Variants in PCDHA2 observed in about 807,000 individuals in gnomAD.
PCDHA2 encodes the protein protocadherin alpha 2, also known as protocadherin alpha-2.
In PCDHA2, 58 loss-of-function variants were observed where a neutral mutation model predicts 66.0. The ratio of observed to expected loss-of-function variants is 0.88; its 90% CI spans 0.71 to 1.09. The LOEUF is 1.09. Ranked by LOEUF, PCDHA2 falls within the 50% of genes least tolerant of loss-of-function variation. PCDHA2 has a pLI of 0.00. For synonymous variants in PCDHA2, 634 were observed against 554.0 expected, an observed-to-expected ratio of 1.14 and a Z score of -2.03; for missense variants, 1,267 against 1,242.3, an observed-to-expected ratio of 1.02 and a Z score of -0.30.
In PCDHA2 at chr5:140,817,799, C is replaced by A. The variant is rs569935488; in HGVS notation, c.2388+20447C>A. Among the ~76,000 whole-genome samples the A allele has an allele frequency of 2.0e-5, 3 of 152,040 alleles. No homozygotes were observed. The South Asian group carries it at 6.2e-4, about 32-fold the overall frequency. ...TAGTGTGGCCTGCTGGTAAAGAAAC[C>A]TTTACGTTTTTATATATCTGGAAAT... On this transcript the variant is annotated intron_variant, in intron 1 of 3. Transcript: ENST00000526136.
intron 1 of PCDHA2, chr5:140,849,169 C>A: frequency 1.8e-6 from 2 of 1,130,206 alleles, no homozygotes; most frequent in Non-Finnish European, 2.5e-6. Context: ...CTGACTGGCA[C>A]CGTTCAATTA....
intron 1 of PCDHA2, chr5:140,857,387 G>A (rs369919324): frequency 2.5e-6 from 4 of 1,598,586 alleles, no homozygotes; most frequent in Admixed American, 1.7e-5. Flanking sequence ...GGTGGCCGAC[G>A]TGAACGACAA....
intron 3 of PCDHA2, among the ~76,000 whole-genome samples, chr5:140,992,437 T>G (rs1554252912): frequency 6.6e-6 from 1 of 151,938 alleles, no homozygotes; most frequent in African/African-American, 2.4e-5. Context: ...GTTCCAAGAG[T>G]TGGGAGCAGG....
intron 1 of PCDHA2, among the ~76,000 whole-genome samples, chr5:140,941,409 C>T (rs1284702446): frequency 2.7e-5 from 4 of 149,924 alleles, no homozygotes; most frequent in Admixed American, 1.3e-4. Flanking sequence ...CTCCGCCTCC[C>T]GGGTTCAAGC....
intron 1 of PCDHA2, among the ~76,000 whole-genome samples, chr5:140,910,875 C>A (rs1224657424): frequency 4.6e-5 from 7 of 152,184 alleles, no homozygotes; most frequent in Non-Finnish European, 7.3e-5. Flanking sequence ...TTATCCCACA[C>A]CCTTAATATC....
chr5:140,835,506 T>A (rs1261915665), intron 1 of PCDHA2: 2 of 1,613,822 alleles, frequency 1.2e-6, no homozygotes, highest in Non-Finnish European at 1.7e-6. Flanking sequence ...GATTAGCGTG[T>A]TTGACCGAGA....
intron 1 of PCDHA2, among the ~76,000 whole-genome samples, chr5:140,978,488 C>A (rs1453613410): frequency 6.6e-6 from 1 of 152,224 alleles, no homozygotes; most frequent in African/African-American, 2.4e-5. Context: ...TCTGCAAAGC[C>A]AGCAGCAGAT....
At chr5:140,867,118 T>G (rs2049765139) in intron 1 of PCDHA2, 1 of 152,172 alleles carries the variant, frequency 6.6e-6, no homozygotes, top group Non-Finnish European at 1.5e-5. Context: ...CATATTGTTT[T>G]AATTCAAATA....
chr5:140,871,004 G>A, intron 1 of PCDHA2: 1 of 1,613,408 alleles, frequency 6.2e-7, no homozygotes, highest in Non-Finnish European at 8.5e-7. Context: ...AGCACAACGC[G>A]TGCCCTGGAC....
Position 140,876,962 on chromosome 5 carries a change from G to T in PCDHA2, c.2388+79610G>T, listed in dbSNP as rs375871457. 15 of 1,612,908 alleles carry T rather than the reference G, an allele frequency of 9.3e-6. No homozygotes were observed. The African/African-American group carries it at 1.6e-4, about 17-fold the overall frequency. ...CTGGTGTCCTACTCGCTGGTGGAGCGGCGGGTGGGCGAGCACGCACTGTCG... is the reference window on the plus strand; with the variant it reads ...CTGGTGTCCTACTCGCTGGTGGAGCTGCGGGTGGGCGAGCACGCACTGTCG... On this transcript the variant is annotated intron_variant, in intron 1 of 3. Coordinates refer to ENST00000526136, the MANE Select transcript of PCDHA2 (RefSeq NM_018905.3).
At chr5:140,977,246 C>T (rs939682133) in intron 1 of PCDHA2, among the ~76,000 whole-genome samples, 1 of 152,172 alleles carries the variant, frequency 6.6e-6, no homozygotes, top group Non-Finnish European at 1.5e-5. Flanking sequence ...AAATTGGCAA[C>T]ATTTCTCAGC....
In PCDHA2 at chr5:140,851,551, T is replaced by C; in HGVS notation, c.2388+54199T>C. Reference sequence around the variant, plus strand: ...GACAATGTAGATAATTCAAGAAATGTTGACTGAAATTTTGTCTACACTTAG... The same window carrying C: ...GACAATGTAGATAATTCAAGAAATGCTGACTGAAATTTTGTCTACACTTAG... On this transcript the variant is annotated intron_variant, in intron 1 of 3. Coordinates refer to ENST00000526136, the MANE Select transcript of PCDHA2 (RefSeq NM_018905.3). The C allele has an allele frequency of 5.5e-6, 5 of 908,010 alleles. No individual in the cohort carries two copies. In the South Asian group the frequency reaches 2.0e-4, roughly 36 times the overall value. The allele number at this position is 908,010 out of a possible 1,614,324, so 56.2% of individuals were successfully genotyped here. A position where few individuals can be genotyped will look rare whatever the true frequency, so the allele number is the denominator to read the frequency against.
intron 1 of PCDHA2, among the ~76,000 whole-genome samples, chr5:140,888,497 A>C (rs2061848830): frequency 6.6e-6 from 1 of 152,250 alleles, no homozygotes; most frequent in Non-Finnish European, 1.5e-5. Flanking sequence ...ACTCTGCTTT[A>C]AAGAGTCTTG....
At chr5:140,999,836 A>G (rs1554257003) in intron 3 of PCDHA2, among the ~76,000 whole-genome samples, 1 of 152,210 alleles carries the variant, frequency 6.6e-6, no homozygotes, top group African/African-American at 2.4e-5. Flanking sequence ...AAAATATGCC[A>G]AGTGTATTTA....
intron 1 of PCDHA2, among the ~76,000 whole-genome samples, chr5:140,846,665 C>T (rs1299063371): frequency 3.4e-5 from 5 of 149,130 alleles, no homozygotes; most frequent in East Asian, 3.9e-4. Context: ...TGAGCCACCG[C>T]GCCCAGCCTA....
intron 1 of PCDHA2, among the ~76,000 whole-genome samples, chr5:140,942,239 T>C (rs1554214876): frequency 6.6e-6 from 1 of 152,156 alleles, no homozygotes; most frequent in African/African-American, 2.4e-5. Context: ...AAATAAGATA[T>C]CCATATCATT....
At chr5:140,941,215 C>CTTTCTTTCTTTCTT (rs2092887387) in intron 1 of PCDHA2, among the ~76,000 whole-genome samples, 1 of 104,510 alleles carries the variant, frequency 9.6e-6, no homozygotes, top group African/African-American at 3.7e-5. Context: ...TTCTTTCTTC[C>CTTTCTTTCTTTCTT]TTTCTTTCTT....
intron 1 of PCDHA2, chr5:140,869,562 A>G (rs373044645): frequency 8.1e-6 from 13 of 1,614,050 alleles, no homozygotes; most frequent in South Asian, 2.2e-5. Context: ...CGCGTTTTCC[A>G]CTAGAGGGAG....
intron 1 of PCDHA2, chr5:140,928,429 T>A: frequency 6.2e-7 from 1 of 1,614,146 alleles, no homozygotes; most frequent in Non-Finnish European, 8.5e-7. Flanking sequence ...CAAAACTTCC[T>A]TTGACTTTGA....
Sources: allele counts gnomAD v4.1 joint callset (sites outside exome capture counted in the v4.1 genomes callset), GRCh38; gene constraint gnomAD v4.1.1; transcripts MANE v1.5; gene names NCBI Gene and HGNC (gene_info 2026-07-23, HGNC 2026-07-21).